The following CAP1 variants were observed in gnomAD, a reference collection of about 807,000 sequenced individuals.
CAP1 encodes cyclase associated actin cytoskeleton regulatory protein 1, also known as adenylyl cyclase-associated protein 1.
CAP1 carries 11 observed loss-of-function variants against 58.2 expected under a neutral mutation model. The ratio of observed to expected loss-of-function variants is 0.19; its 90% confidence interval spans 0.12 to 0.31. The LOEUF (loss-of-function observed/expected upper bound fraction) is 0.31, where lower values mean the gene tolerates loss of function less well. Ranked by LOEUF, CAP1 falls within the 10% of genes least tolerant of loss-of-function variation. The probability of loss-of-function intolerance (pLI) is 1.00; values close to 1 mark genes in which losing one functional copy is unlikely to be tolerated. For synonymous variants in CAP1, 183 were observed against 213.8 expected (o/e 0.86, Z 1.26); for missense variants, 423 against 587.5 (o/e 0.72, Z 2.89).
intron 1 of CAP1, among the ~76,000 whole-genome samples, chr1:40,052,218 T>G (rs1646406159): frequency 6.6e-6 from 1 of 152,232 alleles, no homozygotes; most frequent in East Asian, 1.9e-4. Context: ...CTGAAGTGAT[T>G]ACTCGTATCT....
At chr1:40,062,797 G>GTGTGTGTC (rs1275568248) in intron 4 of CAP1, among the ~76,000 whole-genome samples, 1 of 151,322 alleles carries the variant, frequency 6.6e-6, no homozygotes, top group Admixed American at 6.6e-5. Context: ...GTGTGTGTGT[G>GTGTGTGTC]TATAGATGCC....
At chr1:40,050,297 G>T (rs937107953) in intron 1 of CAP1, among the ~76,000 whole-genome samples, 1 of 149,806 alleles carries the variant, frequency 6.7e-6, no homozygotes, top group African/African-American at 2.5e-5. Flanking sequence ...ACTTAATTCA[G>T]GTGCTGGTCT....
intron 12 of CAP1, 46 bp from the exon 13 acceptor site, chr1:40,071,404 G>C: frequency 2.2e-6 from 3 of 1,360,482 alleles, no homozygotes; most frequent in South Asian, 1.2e-5. Flanking sequence ...AGCCCCAGCT[G>C]TTCTTTAGCT....
chr1:40,041,415 C>G (rs946560043), intron 1 of CAP1: 1 of 152,126 alleles, frequency 6.6e-6, no homozygotes, highest in African/African-American at 2.4e-5. Context: ...GCGGGCACAT[C>G]CTTGTATTTA....
rs1184994821 is a variant in CAP1, at chr1:40,071,747, T to C, written c.*214T>C. Reference sequence around the variant, plus strand: ...GATCTTCTGCAGGAAGGTGCAGCTTTTCCATATCAGCTCAACCACGCCGCC... The same window carrying C: ...GATCTTCTGCAGGAAGGTGCAGCTTCTCCATATCAGCTCAACCACGCCGCC... On this transcript the variant is annotated 3_prime_UTR_variant, in exon 13 of 13. Transcript: ENST00000372805. 2 of 557,970 alleles carry C rather than the reference T, an allele frequency of 3.6e-6. No individual in the cohort carries two copies. The highest frequency in any genetic ancestry group is 3.2e-6 in the Non-Finnish European group (1 of 313,316). The allele number at this position is 557,970 out of a possible 1,614,324, so 34.6% of individuals were successfully genotyped here. A position where few individuals can be genotyped will look rare whatever the true frequency, so the allele number is the denominator to read the frequency against.
At position 40,064,680 on chromosome 1, in the gene CAP1, A is replaced by G. The variant is rs565572227; in HGVS notation, c.524+121A>G. 42 of 739,568 alleles carry G rather than the reference A, an allele frequency of 5.7e-5. No homozygotes were observed. In the Admixed American group the frequency reaches 8.0e-4, roughly 14 times the overall value. The allele number at this position is 739,568 out of a possible 1,614,324, so 45.8% of individuals were successfully genotyped here. ...CAGCCTCAACCTCCCAGCTCAAACA[A>G]TCCTCCCACCTCAGTCCTCCAAGTA... On this transcript the variant is annotated intron_variant, in intron 6 of 12. Transcript: ENST00000372805.
intron 4 of CAP1, among the ~76,000 whole-genome samples, chr1:40,063,369 G>A (rs1646940317): frequency 6.6e-6 from 1 of 151,900 alleles, no homozygotes; most frequent in Non-Finnish European, 1.5e-5. Flanking sequence ...TAGAGATGGG[G>A]TTTCCCCATG....
intron 1 of CAP1, among the ~76,000 whole-genome samples, chr1:40,047,807 A>T (rs1193713308): frequency 6.6e-6 from 1 of 152,180 alleles, no homozygotes; most frequent in Non-Finnish European, 1.5e-5. Context: ...GTCTAATTTC[A>T]CTTTATACAC....
In CAP1 at chr1:40,067,592, C is replaced by T; in HGVS notation, c.683C>T (p.Ser228Leu). 1 of 1,609,464 alleles carries T rather than the reference C, an allele frequency of 6.2e-7. No individual in the cohort carries two copies. Among genetic ancestry groups the T allele is most frequent in the South Asian group, 1.1e-5 (1 of 90,846 alleles). The change falls in exon 8 of 13, where the codon TCA (serine) becomes TTA (leucine). Residue 228 changes from serine (S) to leucine (L), a missense_variant. Ser to Leu is a moderately radical substitution (Grantham distance 145). Coordinates refer to ENST00000372805, the MANE Select transcript of CAP1 (RefSeq NM_006367.4). ...CTGCCATCTGGACCCTCTGCCGGAT[C>T]ATGTCCTCCTCCCCCTCCACCATGC... is the stretch of plus-strand genomic sequence containing the variant. Reference protein sequence around the residue: ...SGLPSGPSAGSCPPPPPPCPP... With the variant: ...SGLPSGPSAGLCPPPPPPCPP...
At chr1:40,068,281 AT>A (rs1050152503) in intron 8 of CAP1, among the ~76,000 whole-genome samples, 1 of 151,448 alleles carries the variant, frequency 6.6e-6, no homozygotes, top group Admixed American at 6.6e-5. Flanking sequence ...TTATTTTTTT[AT>A]TTTTTTTGAG....
intron 1 of CAP1, among the ~76,000 whole-genome samples, chr1:40,056,352 A>C (rs1341418652): frequency 6.6e-6 from 1 of 150,406 alleles, no homozygotes; most frequent in African/African-American, 2.5e-5. Flanking sequence ...GCTGGAGTGC[A>C]TGGTACAATC....
Position 40,059,571 on chromosome 1 carries a change from C to G in CAP1, c.112+113C>G, listed in dbSNP as rs538127565. 19 of 664,288 alleles carry G rather than the reference C, an allele frequency of 2.9e-5. No individual in the cohort carries two copies. The East Asian group carries it at 4.9e-4, about 17-fold the overall frequency. The allele number at this position is 664,288 out of a possible 1,614,324, so 41.1% of individuals were successfully genotyped here. A position where few individuals can be genotyped will look rare whatever the true frequency, so the allele number is the denominator to read the frequency against. Reference sequence around the variant, plus strand: ...CCAAAACTTAATCTAGAAAGTTTACCTTTTGTAATTTGTATTGCTGTGAAC... The same window carrying G: ...CCAAAACTTAATCTAGAAAGTTTACGTTTTGTAATTTGTATTGCTGTGAAC... On this transcript the variant is annotated intron_variant, in intron 2 of 12. Transcript: ENST00000372805.
At chr1:40,067,169 G>T in intron 7 of CAP1, 1 of 196,532 alleles carries the variant, frequency 5.1e-6, no homozygotes, top group Non-Finnish European at 1.0e-5. Flanking sequence ...CACTGAAATA[G>T]GGACAAGGGG....
chr1:40,040,873 C>T, intron 1 of CAP1, 72 bp downstream of exon 1: 1 of 152,842 alleles, frequency 6.5e-6, no homozygotes, highest in East Asian at 1.9e-4. Flanking sequence ...TGTTAATGGC[C>T]CTTCTGGCCT....
In CAP1 at chr1:40,068,128, C is replaced by A. The variant is rs527688759; in HGVS notation, c.808+411C>A. Among the ~76,000 whole-genome samples, 212 of 152,234 alleles carry A rather than the reference C, an allele frequency of 1.4e-3. 1 individual carries two copies. Among genetic ancestry groups the A allele is most frequent in the South Asian group, 4.8e-3 (23 of 4,822 alleles). ...ACCTAATGTTGGTATAAAGTAGATA[C>A]CCTTAACACAGCTGGTGGAAGTCTG... is the stretch of plus-strand genomic sequence containing the variant. On this transcript the variant is annotated intron_variant, in intron 8 of 12. Coordinates refer to ENST00000372805, the MANE Select transcript of CAP1 (RefSeq NM_006367.4).
At chr1:40,054,800 C>A (rs953857249) in intron 1 of CAP1, among the ~76,000 whole-genome samples, 19 of 151,978 alleles carry the variant, frequency 1.3e-4, no homozygotes, top group African/African-American at 4.4e-4. Flanking sequence ...GCCACCATGC[C>A]CAGGTAATTT....
rs1646985456 is a variant in CAP1, at chr1:40,064,365, G to T, written c.433G>T (p.Ala145Ser). The T allele has an allele frequency of 4.3e-6, 7 of 1,614,114 alleles. No individual in the cohort carries two copies. Among genetic ancestry groups the T allele is most frequent in the Non-Finnish European group, 5.9e-6 (7 of 1,180,010 alleles). ...AAGTATCCAGGCCCTGGGCTGGGTG[G>T]CTATGGTGAGCAGCGCAGATTCCAG... ...SESIQALGWV[A>S]MAPKPGPYVK... Residue 145 changes from alanine to serine, a missense_variant, in exon 5 of 13, where the codon GCT becomes TCT. Transcript: ENST00000372805.
At chr1:40,048,459 AG>A (rs1245748842) in intron 1 of CAP1, among the ~76,000 whole-genome samples, 3 of 152,344 alleles carry the variant, frequency 2.0e-5, no homozygotes, top group Non-Finnish European at 4.4e-5. Context: ...TAGCATGTGT[AG>A]GTTTTACTTT....
intron 4 of CAP1, among the ~76,000 whole-genome samples, chr1:40,062,150 T>C (rs1000295072): frequency 6.6e-6 from 1 of 152,192 alleles, no homozygotes; most frequent in African/African-American, 2.4e-5. Context: ...GGATGGGCTT[T>C]AGTAGTGCTC....
Sources: gnomAD v4.1 joint callset for allele counts (sites outside exome capture counted in the v4.1 genomes callset) on GRCh38, gnomAD v4.1.1 for gene constraint, MANE v1.5 for transcripts, NCBI Gene and HGNC (gene_info 2026-07-23, HGNC 2026-07-21) for gene names.